The following OPRD1 variants were observed in gnomAD, a reference collection of about 807,000 sequenced individuals.
OPRD1 encodes the protein delta-type opioid receptor.
A neutral mutation model predicts 17.5 loss-of-function variants in OPRD1; 19 were observed. That is an observed-to-expected ratio of 1.09 (90% CI 0.76 to 1.60). The LOEUF is 1.60. Ranked by LOEUF, OPRD1 falls within the 40% of genes most tolerant of loss-of-function variation. The probability of loss-of-function intolerance (pLI) is 0.00; values close to 1 mark genes in which losing one functional copy is unlikely to be tolerated. For missense variants in OPRD1, 483 were observed against 547.2 expected (o/e 0.88, Z 1.17); for synonymous variants, 256 against 240.9 (o/e 1.06, Z -0.58).
In OPRD1 at chr1:28,815,623, G is replaced by C. The variant is rs1344184593; in HGVS notation, c.227+3013G>C. Among the ~76,000 whole-genome samples, 4 of 152,342 alleles carry C rather than the reference G, an allele frequency of 2.6e-5. No individual in the cohort carries two copies. The East Asian group carries it at 7.7e-4, about 29-fold the overall frequency. On this transcript the variant is annotated intron_variant, in intron 1 of 2. Coordinates refer to ENST00000234961, the MANE Select transcript of OPRD1 (RefSeq NM_000911.4). Reference sequence around the variant, plus strand: ...TGCTGGAAACACCCCAAGGGCAGTGGGGAGAGCGCAGCCCGGGCTGGAGAA... The same window carrying C: ...TGCTGGAAACACCCCAAGGGCAGTGCGGAGAGCGCAGCCCGGGCTGGAGAA...
At chr1:28,853,620 C>T (rs997652880) in intron 1 of OPRD1, among the ~76,000 whole-genome samples, 1 of 152,146 alleles carries the variant, frequency 6.6e-6, no homozygotes. Context: ...GTGATTGCCC[C>T]TGGGGAACAG....
intron 1 of OPRD1, among the ~76,000 whole-genome samples, chr1:28,847,217 A>T (rs186939200): frequency 6.6e-6 from 1 of 151,912 alleles, no homozygotes; most frequent in African/African-American, 2.4e-5. Flanking sequence ...ATGCCCAGCT[A>T]ATTTTTATGT....
chr1:28,835,757 C>T (rs905011369), intron 1 of OPRD1, among the ~76,000 whole-genome samples: 2 of 152,214 alleles, frequency 1.3e-5, no homozygotes, highest in Non-Finnish European at 2.9e-5. Context: ...TGAACTTGAC[C>T]TGCAGCAGGG....
chr1:28,827,272 G>T (rs2088775493), intron 1 of OPRD1, among the ~76,000 whole-genome samples: 1 of 152,100 alleles, frequency 6.6e-6, no homozygotes, highest in Non-Finnish European at 1.5e-5. Context: ...CTCCAGCCTG[G>T]GTGACAGAGC....
chr1:28,851,330 C>T (rs778975202), intron 1 of OPRD1, among the ~76,000 whole-genome samples: 9 of 152,190 alleles, frequency 5.9e-5, no homozygotes, highest in Non-Finnish European at 1.0e-4. Context: ...TACTTCCAAC[C>T]TACCATTTCA....
intron 1 of OPRD1, among the ~76,000 whole-genome samples, chr1:28,814,686 T>G (rs1366497154): frequency 6.6e-6 from 1 of 152,202 alleles, no homozygotes; most frequent in Non-Finnish European, 1.5e-5. Context: ...CTCCCACTGC[T>G]GAGGGTCCAC....
intron 1 of OPRD1, among the ~76,000 whole-genome samples, chr1:28,852,920 A>G (rs1419258506): frequency 6.6e-6 from 1 of 151,922 alleles, no homozygotes. Context: ...AGGTTTCACT[A>G]TGTTGGCCAG....
chr1:28,852,245 A>G (rs1024150932), intron 1 of OPRD1, among the ~76,000 whole-genome samples: 18 of 152,036 alleles, frequency 1.2e-4, no homozygotes, highest in African/African-American at 4.3e-4. Flanking sequence ...CTCATAGCTC[A>G]CTAGGAAAAC....
intron 1 of OPRD1, among the ~76,000 whole-genome samples, chr1:28,836,246 T>A (rs2088851992): frequency 6.6e-6 from 1 of 152,134 alleles, no homozygotes; most frequent in Non-Finnish European, 1.5e-5. Context: ...CCAGGCGCGG[T>A]GGCTCACGTC....
At position 28,859,179 on chromosome 1, in the gene OPRD1, C is replaced by A; in HGVS notation, c.453C>A (p.Cys151Ter). ...MMSVDRYIAVCHPVKALDFRT... is the reference protein window; with the variant it reads ...MMSVDRYIAV ...GTGTTGACCGCTACATCGCTGTCTG[C>A]CACCCTGTCAAGGCCCTGGACTTCC... The change falls in exon 2 of 3, where the codon TGC becomes TGA. Residue 151 changes from cysteine to a stop codon, truncating the protein, a stop_gained. Coordinates refer to ENST00000234961, the MANE Select transcript of OPRD1 (RefSeq NM_000911.4). LOFTEE classifies it high-confidence loss of function. The A allele has an allele frequency of 6.2e-7, 1 of 1,614,262 alleles. No individual in the cohort carries two copies.
rs1034146222 is a variant in OPRD1 at position 28,866,093 on chromosome 1, A to C, written c.*2810A>C. 3.3e-5 allele frequency: 5 copies of C among 152,240 alleles called. No individual in the cohort carries two copies. Among genetic ancestry groups the C allele is most frequent in the African/African-American group, 9.7e-5 (4 of 41,450 alleles). 9.4% of individuals were successfully genotyped at this position (152,240 alleles called of 1,614,324 possible). On this transcript the variant is annotated 3_prime_UTR_variant, in exon 3 of 3. Transcript: ENST00000234961. Reference sequence around the variant, plus strand: ...TATTGAAATCTACTTCATGCCAAGCATGCACTCTGGGCATCAGGACTCGGA... The same window carrying C: ...TATTGAAATCTACTTCATGCCAAGCCTGCACTCTGGGCATCAGGACTCGGA...
In OPRD1 at chr1:28,846,841, C is replaced by CT. The variant is rs1192169542; in HGVS notation, c.228-12110dup. Among the ~76,000 whole-genome samples the CT allele has an allele frequency of 1.6e-3, 110 of 70,574 alleles. 3 individuals are homozygous for CT. In the East Asian group the frequency reaches 0.091, roughly 58 times the overall value. The allele number at this position is 70,574 out of a possible 152,430, so 46.3% of individuals were successfully genotyped here. A position where few individuals can be genotyped will look rare whatever the true frequency, so the allele number is the denominator to read the frequency against. ...TTGCATTTTCTTTCTTTCTTTCTTT[C>CT]TTTCTTTTCTTTCTTTCTTTCTTTC... On this transcript the variant is annotated intron_variant, in intron 1 of 2. Coordinates refer to ENST00000234961, the MANE Select transcript of OPRD1 (RefSeq NM_000911.4).
intron 1 of OPRD1, among the ~76,000 whole-genome samples, chr1:28,856,153 G>A (rs991507568): frequency 1.3e-5 from 2 of 152,246 alleles, no homozygotes; most frequent in African/African-American, 4.8e-5. Flanking sequence ...GAGCGTGGGA[G>A]TCAGGAGGTC....
rs1222898473 is a variant in OPRD1 at position 28,812,193 on chromosome 1, G to C, written c.-191G>C. ...TCACAGCGCTCCGGGCGAGGAGAGCGGGCGGACGCCGGGGGCTGGGCCGGT... is the reference window on the plus strand; with the variant it reads ...TCACAGCGCTCCGGGCGAGGAGAGCCGGCGGACGCCGGGGGCTGGGCCGGT... On this transcript the variant is annotated 5_prime_UTR_variant, in exon 1 of 3. Transcript: ENST00000234961. The C allele has an allele frequency of 1.1e-5, 2 of 184,004 alleles. No homozygotes were observed. Among genetic ancestry groups the C allele is most frequent in the Non-Finnish European group, 2.1e-5 (2 of 93,564 alleles). 11.4% of individuals were successfully genotyped at this position (184,004 alleles called of 1,614,324 possible). A position where few individuals can be genotyped will look rare whatever the true frequency, so the allele number is the denominator to read the frequency against.
intron 1 of OPRD1, among the ~76,000 whole-genome samples, chr1:28,831,123 C>T (rs954599732): frequency 6.6e-6 from 1 of 152,230 alleles, no homozygotes; most frequent in Non-Finnish European, 1.5e-5. Context: ...ATTTTCCATT[C>T]CTCCCTGAGG....
chr1:28,812,369 A>C lies in OPRD1; in HGVS notation c.-15A>C. ...CGCACGGTGGAGAGGGACGCGGCGG[A>C]GCCGGCCGGCAGCCATGGAACCGGC... On this transcript the variant is annotated 5_prime_UTR_variant, in exon 1 of 3. Coordinates refer to ENST00000234961, the MANE Select transcript of OPRD1 (RefSeq NM_000911.4). The C allele has an allele frequency of 1.5e-6, 2 of 1,367,988 alleles. No homozygotes were observed. The highest frequency in any genetic ancestry group is 1.9e-6 in the Non-Finnish European group (2 of 1,068,306). The allele number at this position is 1,367,988 out of a possible 1,614,324, so 84.7% of individuals were successfully genotyped here.
rs1401037744 is a variant in OPRD1 at position 28,843,145 on chromosome 1, T to A, written c.228-15809T>A. Among the ~76,000 whole-genome samples, 5 of 152,082 alleles carry A rather than the reference T, an allele frequency of 3.3e-5. No homozygotes were observed. In the East Asian group the frequency reaches 9.6e-4, roughly 29 times the overall value. Reference sequence around the variant, plus strand: ...GGTTCAGAAAGGTGAAGTGACTTGCTCAAGATCACTGAGCTATGTATGTTG... The same window carrying A: ...GGTTCAGAAAGGTGAAGTGACTTGCACAAGATCACTGAGCTATGTATGTTG... On this transcript the variant is annotated intron_variant, in intron 1 of 2. Transcript: ENST00000234961.
chr1:28,863,210 G>T lies in OPRD1; in HGVS notation c.1046G>T (p.Arg349Leu). 1.9e-6 allele frequency: 3 copies of T among 1,581,848 alleles called. No homozygotes were observed. Among genetic ancestry groups the T allele is most frequent in the Non-Finnish European group, 2.6e-6 (3 of 1,170,900 alleles). Residue 349 changes from arginine (R) to leucine (L), a missense_variant, in exon 3 of 3, where the codon CGC becomes CTC. Arg to Leu is a moderately radical substitution (Grantham distance 102). Transcript: ENST00000234961. The part of the protein sequence containing the change: ...RPDPSSFSRA[R>L]EATARERVTA... ...GACCCCAGCAGCTTCAGCCGCGCCCGCGAAGCCACGGCCCGCGAGCGTGTC... is the reference window on the plus strand; with the variant it reads ...GACCCCAGCAGCTTCAGCCGCGCCCTCGAAGCCACGGCCCGCGAGCGTGTC...
rs680824 is a variant in OPRD1, at chr1:28,827,744, G to A, written c.227+15134G>A. Among the ~76,000 whole-genome samples, 67 of 141,676 alleles carry A rather than the reference G, an allele frequency of 4.7e-4. 1 individual carries two copies. The East Asian group carries it at 7.2e-3, about 15-fold the overall frequency. 92.9% of individuals were successfully genotyped at this position (141,676 alleles called of 152,430 possible). On this transcript the variant is annotated intron_variant, in intron 1 of 2. Coordinates refer to ENST00000234961, the MANE Select transcript of OPRD1 (RefSeq NM_000911.4). ...AATATTGTTTTTTTCTTTTCCCCCT[G>A]CTCAGAGACACAGTCTTAGTCTGTT...
Sources: gnomAD v4.1 joint callset for allele counts (sites outside exome capture counted in the v4.1 genomes callset) on GRCh38, gnomAD v4.1.1 for gene constraint, MANE v1.5 for transcripts, NCBI Gene and HGNC (gene_info 2026-07-23, HGNC 2026-07-21) for gene names.